Variants in UTP20 observed in about 807,000 individuals in gnomAD.
The protein encoded by UTP20 is UTP20 small subunit processome component.
UTP20 carries 164 observed loss-of-function variants against 329.5 expected under a neutral mutation model. The ratio of observed to expected loss-of-function variants is 0.50; its 90% CI spans 0.44 to 0.57. The LOEUF is 0.57. Among genes scored for constraint, UTP20 ranks in the 20% least tolerant of loss-of-function variants. The pLI is 0.00. For synonymous variants in UTP20, 1,151 were observed against 1,159.3 expected (o/e 0.99, Z 0.14); for missense variants, 3,055 against 3,284.2 (o/e 0.93, Z 1.71).
intron 43 of UTP20, among the ~76,000 whole-genome samples, chr12:101,361,098 CT>C (rs1565804463): frequency 1.3e-5 from 2 of 152,266 alleles, no homozygotes; most frequent in East Asian, 3.9e-4. Context: ...CATCTAAAAA[CT>C]GCTGATGATG....
Position 101,356,615 on chromosome 12 carries a change from T to A in UTP20, c.5456T>A (p.Val1819Asp). The part of the protein sequence containing the change: ...KSKVVNDEEV[V>D]RVPLAFAMVK... ...AAGGTTGTGAATGATGAGGAAGTCG[T>A]TCGAGTTCCATTAGCTTTTGCCATG... The change falls in exon 42 of 62, where the codon GTT becomes GAT. Residue 1819 changes from valine to aspartate, a missense_variant. By Grantham distance (152) the Val-to-Asp change is radical (BLOSUM62 -3). Transcript: ENST00000261637. 6.2e-7 allele frequency: 1 copy of A among 1,613,992 alleles called. No individual in the cohort carries two copies. The highest frequency in any genetic ancestry group is 2.2e-5 in the East Asian group (1 of 44,874).
At chr12:101,360,232 A>T (rs1213856984) in intron 43 of UTP20, among the ~76,000 whole-genome samples, 1 of 152,116 alleles carries the variant, frequency 6.6e-6, no homozygotes, top group Non-Finnish European at 1.5e-5. Context: ...CTCCACCAAA[A>T]GGTTTTTTTA....
intron 27 of UTP20, among the ~76,000 whole-genome samples, chr12:101,330,949 G>A (rs1868739386): frequency 6.6e-6 from 1 of 152,200 alleles, no homozygotes; most frequent in African/African-American, 2.4e-5. Context: ...TTGCTTAAGT[G>A]AGTTAAAGTT....
Position 101,299,983 on chromosome 12 carries a change from A to C in UTP20, c.1597A>C (p.Lys533Gln). 1 of 1,614,130 alleles carries C rather than the reference A, an allele frequency of 6.2e-7. No homozygotes were observed. The highest frequency in any genetic ancestry group is 8.5e-7 in the Non-Finnish European group (1 of 1,180,000). The change falls in exon 14 of 62, where the codon AAA becomes CAA. Residue 533 changes from lysine to glutamine, a missense_variant. This residue lies in a region of UTP20 where 2,445 missense variants were observed against 2,575.5 expected (regional missense o/e 0.95). Coordinates refer to ENST00000261637, the MANE Select transcript of UTP20 (RefSeq NM_014503.3). ...CTCCCCCTTGGACAGACCTCTTGAG[A>C]AAGAGAAGGTGATACCACTCGTCAC... ...VVLPHIRPLEKEKVIPLVTGF... is the reference protein window; with the variant it reads ...VVLPHIRPLEQEKVIPLVTGF...
At chr12:101,283,443 C>G (rs111653649) in intron 2 of UTP20, among the ~76,000 whole-genome samples, 1 of 152,192 alleles carries the variant, frequency 6.6e-6, no homozygotes, top group East Asian at 1.9e-4. Flanking sequence ...TCACTTTCAT[C>G]GCATGTTATT....
chr12:101,281,527 T>G (rs899235252), intron 2 of UTP20, among the ~76,000 whole-genome samples: 1 of 152,192 alleles, frequency 6.6e-6, no homozygotes, highest in African/African-American at 2.4e-5. Flanking sequence ...CTTTCCCTTA[T>G]GCATTCCAAG....
chr12:101,351,180 G>A (rs1302315856), intron 38 of UTP20, among the ~76,000 whole-genome samples: 1 of 151,264 alleles, frequency 6.6e-6, no homozygotes, highest in African/African-American at 2.4e-5. Context: ...AGGGTGGGGT[G>A]CAGTGGCACA....
chr12:101,306,064 A>C lies in UTP20; in HGVS notation c.1931A>C (p.Lys644Thr). Residue 644 changes from lysine (K) to threonine (T), a missense_variant and splice_region_variant, in exon 16 of 62, where the codon AAG becomes ACG. Physicochemically the swap from Lys to Thr is moderately conservative, Grantham distance 78. Coordinates refer to ENST00000261637, the MANE Select transcript of UTP20 (RefSeq NM_014503.3). The part of the protein sequence containing the change: ...LQANISTGVS[K>T]IRLLTIRILN... ...GCAAACATTTCAACTGGTGTATCCA[A>C]GGTAATGGTGTTTTGTGGTAGTGTG... is the stretch of plus-strand genomic sequence containing the variant. 1 of 1,610,600 alleles carries C rather than the reference A, an allele frequency of 6.2e-7. No individual in the cohort carries two copies. The highest frequency in any genetic ancestry group is 1.1e-5 in the South Asian group (1 of 90,514).
chr12:101,375,032 ATATT>A (rs1870427933), intron 55 of UTP20, 93 bp downstream of exon 55: 2 of 777,896 alleles, frequency 2.6e-6, no homozygotes, highest in South Asian at 3.8e-5. Flanking sequence ...TATAGGTTAA[ATATT>A]TATATTTATA....
intron 14 of UTP20, among the ~76,000 whole-genome samples, chr12:101,301,147 C>A (rs1398188226): frequency 6.6e-6 from 1 of 152,124 alleles, no homozygotes; most frequent in African/African-American, 2.4e-5. Flanking sequence ...GACTTGCAGA[C>A]CATATAGTTT....
In UTP20 at chr12:101,334,414, T is replaced by G. The variant is rs780965599; in HGVS notation, c.3562-11T>G. On this transcript the variant is annotated splice_polypyrimidine_tract_variant and intron_variant, in intron 28 of 61. Transcript: ENST00000261637. Reference sequence around the variant, plus strand: ...TGTATTTGGTATTCTGTTTTTTACTTTGTCTCCTAGATCAGCAGGCTTGGA... The same window carrying G: ...TGTATTTGGTATTCTGTTTTTTACTGTGTCTCCTAGATCAGCAGGCTTGGA... 1.2e-6 allele frequency: 2 copies of G among 1,608,958 alleles called. No homozygotes were observed. The highest frequency in any genetic ancestry group is 1.7e-6 in the Non-Finnish European group (2 of 1,178,714).
chr12:101,371,551 A>G lies in UTP20; in HGVS notation c.6798+383A>G, dbSNP rs542986319. Among the ~76,000 whole-genome samples, 516 of 72,794 alleles carry G rather than the reference A, an allele frequency of 7.1e-3. 2 individuals carry two copies. Among genetic ancestry groups the G allele is most frequent in the Middle Eastern group, 0.013 (1 of 78 alleles). 47.8% of individuals were successfully genotyped at this position (72,794 alleles called of 152,430 possible). On this transcript the variant is annotated intron_variant, in intron 51 of 61. Coordinates refer to ENST00000261637, the MANE Select transcript of UTP20 (RefSeq NM_014503.3). ...TTTTTTTTTTTTTTTTTTTTTTTTG[A>G]GACGGAGTCTCACTCTGTCACCAGG...
chr12:101,300,173 C>G, intron 14 of UTP20, 112 bp downstream of exon 14: 1 of 1,043,320 alleles, frequency 9.6e-7, no homozygotes, highest in Non-Finnish European at 1.5e-6. Context: ...TGGCATAACC[C>G]CCTGGATGAT....
intron 57 of UTP20, among the ~76,000 whole-genome samples, chr12:101,380,863 TAAAA>T (rs35235306): frequency 1.7e-5 from 2 of 115,148 alleles, no homozygotes; most frequent in Non-Finnish European, 3.5e-5. Flanking sequence ...GACTCTGTCT[TAAAA>T]AAAAAAAAAA....
At chr12:101,324,359 C>T (rs2137262965) in intron 25 of UTP20, among the ~76,000 whole-genome samples, 1 of 151,872 alleles carries the variant, frequency 6.6e-6, no homozygotes, top group East Asian at 2.0e-4. Flanking sequence ...CGCCTCAGCT[C>T]CCCATGTACC....
chr12:101,333,979 A>G (rs1868849183), intron 28 of UTP20, among the ~76,000 whole-genome samples: 1 of 152,202 alleles, frequency 6.6e-6, no homozygotes, highest in East Asian at 1.9e-4. Flanking sequence ...CATGACTTTT[A>G]TAGCACCTCA....
intron 6 of UTP20, 102 bp downstream of exon 6, chr12:101,289,143 G>A (rs10778109): frequency 0.066 from 62,202 of 949,462 alleles, 8,165 homozygotes; most frequent in East Asian, 0.46. Context: ...TTGGGAGGCC[G>A]AGGCAGGTGG....
chr12:101,373,713 C>T lies in UTP20; in HGVS notation c.7077C>T (p.Leu2359=), dbSNP rs776363069. 7.5e-6 allele frequency: 12 copies of T among 1,610,672 alleles called. No individual in the cohort carries two copies. The highest frequency in any genetic ancestry group is 2.2e-5 in the East Asian group (1 of 44,884). Reference sequence around the variant, plus strand: ...AGTCCCTACTTGGTAAAATCAGCCTCGAGAAAAAAGATTGGCTGTTTGATA... The same window carrying T: ...AGTCCCTACTTGGTAAAATCAGCCTTGAGAAAAAAGATTGGCTGTTTGATA... ...TIKSLLGKIS[L]EKKDWLFDMV... is the part of the protein sequence containing the mutation. Residue 2359 remains leucine, a synonymous_variant, in exon 54 of 62, where the codon CTC becomes CTT. Transcript: ENST00000261637.
At chr12:101,385,543 TCCTA>T in intron 60 of UTP20, 36 bp from the exon 61 acceptor site, 1 of 1,586,232 alleles carries the variant, frequency 6.3e-7, no homozygotes, top group Non-Finnish European at 8.5e-7. Flanking sequence ...ATGTGTCCTT[TCCTA>T]CCTGTCTCTG....
Sources: allele counts gnomAD v4.1 joint callset (sites outside exome capture counted in the v4.1 genomes callset), GRCh38; gene constraint gnomAD v4.1.1; regional missense constraint gnomAD v4.1.1; transcripts MANE v1.5; gene names NCBI Gene and HGNC (gene_info 2026-07-23, HGNC 2026-07-21).